Variants in OR51B5 observed in about 807,000 individuals in gnomAD.
OR51B5 encodes the protein olfactory receptor 51B5.
For synonymous variants in OR51B5, 186 were observed against 144.8 expected, an observed-to-expected ratio of 1.28 and a Z score of -2.04; for missense variants, 456 against 374.6, an observed-to-expected ratio of 1.22 and a Z score of -1.79.
At chr11:5,468,745 A>G (rs1851177481) in intron 1 of OR51B5, 2 of 456,484 alleles carry the variant, frequency 4.4e-6, no homozygotes, top group Non-Finnish European at 8.8e-6. Flanking sequence ...CCAGCACAGA[A>G]TGTAGAATGA....
chr11:5,451,114 G>A lies in OR51B5; in HGVS notation n.84+54455C>T, dbSNP rs375009952. ...GCAGAGCAGCTGACATATCACATGC[G>A]TTCAATAAGTATTCATTTTCTTTCT... On this transcript the variant is annotated intron_variant and non_coding_transcript_variant, in intron 1 of 4. Coordinates refer to the OR51B5 transcript ENST00000415970. Among the ~76,000 whole-genome samples, 49 of 152,284 alleles carry A rather than the reference G, an allele frequency of 3.2e-4. 1 individual carries two copies. Among genetic ancestry groups the A allele is most frequent in the African/African-American group, 1.1e-3 (45 of 41,544 alleles).
chr11:5,428,965 G>A (rs899216724), intron 1 of OR51B5, among the ~76,000 whole-genome samples: 1 of 152,156 alleles, frequency 6.6e-6, no homozygotes, highest in Non-Finnish European at 1.5e-5. Context: ...CACAAGATTT[G>A]TGACTGCTCC....
At chr11:5,425,162 T>C (rs146568049) in intron 1 of OR51B5, among the ~76,000 whole-genome samples, 6 of 152,076 alleles carry the variant, frequency 3.9e-5, no homozygotes, top group African/African-American at 1.4e-4. Context: ...ATTCTCACAA[T>C]AGAATTTAAG....
intron 1 of OR51B5, among the ~76,000 whole-genome samples, chr11:5,350,501 T>C (rs530477064): frequency 6.6e-6 from 1 of 152,308 alleles, no homozygotes; most frequent in East Asian, 1.9e-4. Context: ...TTCTCAGAGG[T>C]TGGCTGCCTG....
intron 1 of OR51B5, among the ~76,000 whole-genome samples, chr11:5,365,698 C>G (rs575653526): frequency 1.3e-5 from 2 of 152,224 alleles, no homozygotes; most frequent in South Asian, 4.1e-4. Context: ...TTTATTCAAC[C>G]CAAACTGATA....
At chr11:5,461,560 G>C (rs938236128) in intron 1 of OR51B5, among the ~76,000 whole-genome samples, 1 of 152,176 alleles carries the variant, frequency 6.6e-6, no homozygotes, top group East Asian at 1.9e-4. Context: ...ACCTACAGGA[G>C]TGTGGCAAGC....
chr11:5,414,184 G>C (rs952499939), intron 1 of OR51B5, among the ~76,000 whole-genome samples: 25 of 151,896 alleles, frequency 1.6e-4, no homozygotes, highest in Middle Eastern at 3.4e-3. Flanking sequence ...GCCAAACTAA[G>C]CTTCATAAGT....
intron 1 of OR51B5, among the ~76,000 whole-genome samples, chr11:5,427,526 A>G (rs1850468269): frequency 6.6e-6 from 1 of 152,254 alleles, no homozygotes; most frequent in Non-Finnish European, 1.5e-5. Context: ...AGAAATATTT[A>G]TAGATTTTGT....
At chr11:5,343,196 G>A (rs754284076) in exon 1 of OR51B5, 1 of 1,613,740 alleles carries the variant, frequency 6.2e-7, no homozygotes, top group African/African-American at 1.3e-5. Context: ...CAGAATGCCA[G>A]ACTCGAGAAA....
chr11:5,408,097 T>G (rs1435372880), intron 1 of OR51B5, among the ~76,000 whole-genome samples: 3 of 151,996 alleles, frequency 2.0e-5, no homozygotes, highest in Non-Finnish European at 4.4e-5. Context: ...TACATCACTC[T>G]TTTTCTCTCT....
chr11:5,432,978 G>A (rs1850552599), intron 1 of OR51B5, among the ~76,000 whole-genome samples: 1 of 152,088 alleles, frequency 6.6e-6, no homozygotes, highest in South Asian at 2.1e-4. Flanking sequence ...TTCCACCTCA[G>A]AGAGGGAAAA....
At chr11:5,369,775 C>T (rs780045110) in intron 1 of OR51B5, among the ~76,000 whole-genome samples, 41 of 152,122 alleles carry the variant, frequency 2.7e-4, no homozygotes, top group Non-Finnish European at 1.5e-4. Flanking sequence ...CTATGTGTAG[C>T]ACTGTTATTT....
upstream of OR51B5, among the ~76,000 whole-genome samples, chr11:5,344,055 G>A (rs1848950435): frequency 1.3e-5 from 2 of 152,190 alleles, no homozygotes; most frequent in South Asian, 4.1e-4. Context: ...GAGAAACTCT[G>A]CCACTACCAC....
Position 5,369,815 on chromosome 11 carries a change from T to C in OR51B5, n.85-22905A>G, listed in dbSNP as rs186359926. Reference sequence around the variant, plus strand: ...GATGCCACACTAAAATCAGTGCTGCTTGTCTGCATTTTTGTGTTACAGTGA... The same window carrying C: ...GATGCCACACTAAAATCAGTGCTGCCTGTCTGCATTTTTGTGTTACAGTGA... On this transcript the variant is annotated intron_variant and non_coding_transcript_variant, in intron 1 of 4. Coordinates refer to the OR51B5 transcript ENST00000415970. 5.9e-5 allele frequency among the ~76,000 whole-genome samples: 9 copies of C among 152,340 alleles called. No individual in the cohort carries two copies. In the East Asian group the frequency reaches 1.5e-3, roughly 26 times the overall value.
chr11:5,386,585 G>A (rs1225910512), intron 1 of OR51B5, among the ~76,000 whole-genome samples: 3 of 152,014 alleles, frequency 2.0e-5, no homozygotes, highest in South Asian at 4.1e-4. Flanking sequence ...AGGAGCTACT[G>A]AAGTACTGAA....
upstream of OR51B5, among the ~76,000 whole-genome samples, chr11:5,347,385 G>A (rs930500111): frequency 1.7e-4 from 26 of 152,154 alleles, no homozygotes; most frequent in African/African-American, 4.8e-4. Context: ...GCCTTCTCTA[G>A]TACCCAACGT....
At chr11:5,367,050 A>G (rs1849380443) in intron 1 of OR51B5, among the ~76,000 whole-genome samples, 1 of 152,208 alleles carries the variant, frequency 6.6e-6, no homozygotes, top group Non-Finnish European at 1.5e-5. Flanking sequence ...CTCTAGCAGC[A>G]GAGACCAAAG....
intron 1 of OR51B5, among the ~76,000 whole-genome samples, chr11:5,414,786 T>A (rs1247610559): frequency 6.6e-6 from 1 of 152,274 alleles, no homozygotes; most frequent in East Asian, 1.9e-4. Context: ...AAGTCCTTAG[T>A]GACCTACAAA....
In OR51B5 at chr11:5,452,300, C is replaced by T. The variant is rs1223187629; in HGVS notation, n.84+53269G>A. The stretch of plus-strand genomic sequence containing the variant: ...CAGGCGGATCACGAGGTCAGGAGAT[C>T]GAGATCATCCTGGCTAACACGGTGA... On this transcript the variant is annotated intron_variant and non_coding_transcript_variant, in intron 1 of 4. Transcript: ENST00000415970. 9.2e-5 allele frequency among the ~76,000 whole-genome samples: 14 copies of T among 151,910 alleles called. No homozygotes were observed. The East Asian group carries it at 2.1e-3, about 23-fold the overall frequency.
Sources: gnomAD v4.1 joint callset for allele counts (sites outside exome capture counted in the v4.1 genomes callset) on GRCh38, gnomAD v4.1.1 for gene constraint, MANE v1.5 for transcripts, NCBI Gene and HGNC (gene_info 2026-07-23, HGNC 2026-07-21) for gene names.